The following DPH6 variants were observed in gnomAD, a reference collection of about 807,000 sequenced individuals.
DPH6 encodes diphthine--ammonia ligase.
A neutral mutation model predicts 38.2 loss-of-function variants in DPH6; 33 were observed. That is an observed-to-expected ratio of 0.86 (90% CI 0.65 to 1.15). The LOEUF (loss-of-function observed/expected upper bound fraction) is 1.15. Ranked by LOEUF, DPH6 falls within the 50% of genes most tolerant of loss-of-function variation. DPH6 has a pLI of 0.00. For synonymous variants in DPH6, 108 were observed against 103.0 expected, an observed-to-expected ratio of 1.05 and a Z score of -0.30; for missense variants, 325 against 320.0, an observed-to-expected ratio of 1.02 and a Z score of -0.12.
chr15:35,469,642 G>A (rs1041362088), intron 3 of DPH6, among the ~76,000 whole-genome samples: 1 of 152,142 alleles, frequency 6.6e-6, no homozygotes, highest in Non-Finnish European at 1.5e-5. Flanking sequence ...CACAGACATG[G>A]GGAAGATGTT....
chr15:35,274,311 C>T (rs1017745252), intron 3 of DPH6, among the ~76,000 whole-genome samples: 1 of 151,998 alleles, frequency 6.6e-6, no homozygotes, highest in African/African-American at 2.4e-5. Context: ...GGAAGAAAAC[C>T]TAGCCAATAC....
intron 3 of DPH6, among the ~76,000 whole-genome samples, chr15:35,296,995 C>A (rs1336165067): frequency 6.6e-6 from 1 of 152,114 alleles, no homozygotes; most frequent in African/African-American, 2.4e-5. Context: ...AAGTCCATAG[C>A]CTGATGAGCC....
At chr15:35,517,558 T>C (rs1321794408) in intron 3 of DPH6, among the ~76,000 whole-genome samples, 1 of 152,156 alleles carries the variant, frequency 6.6e-6, no homozygotes, top group East Asian at 1.9e-4. Flanking sequence ...ATTGAGAATT[T>C]GTACCTTTTC....
chr15:35,382,450 A>AACAAAACAC, intron 6 of DPH6, among the ~76,000 whole-genome samples: 1 of 150,352 alleles, frequency 6.7e-6, no homozygotes, highest in African/African-American at 2.4e-5. Context: ...CGAAAAACAA[A>AACAAAACAC]ACACACACAC....
the DPH6 span, among the ~76,000 whole-genome samples, chr15:35,185,228 G>A: frequency 2.0e-5 from 3 of 152,172 alleles, no homozygotes; most frequent in South Asian, 2.1e-4. Flanking sequence ...TCCCAACTGC[G>A]TATCAAGTGA....
At chr15:35,491,093 A>G (rs1480686777) in intron 3 of DPH6, among the ~76,000 whole-genome samples, 1 of 152,124 alleles carries the variant, frequency 6.6e-6, no homozygotes, top group Non-Finnish European at 1.5e-5. Flanking sequence ...TCACCTCCCA[A>G]TATCATTACA....
At chr15:35,191,195 T>C in the DPH6 span, among the ~76,000 whole-genome samples, 1 of 152,220 alleles carries the variant, frequency 6.6e-6, no homozygotes, top group Non-Finnish European at 1.5e-5. Context: ...TCATTGTGTG[T>C]CAAAGGCATT....
chr15:35,197,016 C>T, the DPH6 span, among the ~76,000 whole-genome samples: 1 of 152,138 alleles, frequency 6.6e-6, no homozygotes, highest in Non-Finnish European at 1.5e-5. Flanking sequence ...TTGCATTGGA[C>T]TTTCACTTCA....
At chr15:35,233,780 A>G (rs923816515) in intron 3 of DPH6, among the ~76,000 whole-genome samples, 3 of 152,020 alleles carry the variant, frequency 2.0e-5, no homozygotes, top group African/African-American at 4.8e-5. Flanking sequence ...TTTTTCCTCT[A>G]TTCTCTAATG....
At chr15:35,294,565 T>A (rs1396961978) in intron 3 of DPH6, among the ~76,000 whole-genome samples, 1 of 152,156 alleles carries the variant, frequency 6.6e-6, no homozygotes, top group African/African-American at 2.4e-5. Context: ...CCGTTTTTTT[T>A]GTCTTCAATG....
the DPH6 span, among the ~76,000 whole-genome samples, chr15:35,185,863 G>C: frequency 2.0e-5 from 3 of 151,060 alleles, no homozygotes; most frequent in African/African-American, 7.3e-5. Flanking sequence ...CTCCCAAGTA[G>C]CTGGGACTAC....
chr15:35,187,811 C>A, the DPH6 span, among the ~76,000 whole-genome samples: 18 of 152,174 alleles, frequency 1.2e-4, no homozygotes, highest in South Asian at 3.7e-3. Flanking sequence ...CATAGAGAGA[C>A]CCTGTTTCTA....
chr15:35,440,544 A>AC (rs1327859027), intron 5 of DPH6, among the ~76,000 whole-genome samples: 1 of 151,924 alleles, frequency 6.6e-6, no homozygotes, highest in Admixed American at 6.6e-5. Context: ...CCAAAACAGT[A>AC]CCCCCTCTGT....
intron 3 of DPH6, among the ~76,000 whole-genome samples, chr15:35,290,621 T>C (rs2051973953): frequency 6.6e-6 from 1 of 152,196 alleles, no homozygotes; most frequent in Non-Finnish European, 1.5e-5. Context: ...AACATGGACT[T>C]TGATTCAGCA....
At chr15:35,289,097 A>G (rs1249619483) in intron 3 of DPH6, among the ~76,000 whole-genome samples, 1 of 152,190 alleles carries the variant, frequency 6.6e-6, no homozygotes, top group Non-Finnish European at 1.5e-5. Context: ...CAAACTTATC[A>G]TTTCTATGAT....
intron 6 of DPH6, among the ~76,000 whole-genome samples, chr15:35,384,110 A>G (rs1199595634): frequency 1.3e-5 from 2 of 152,130 alleles, no homozygotes; most frequent in African/African-American, 2.4e-5. Flanking sequence ...TTCCTAACCC[A>G]TCTCAGGTCT....
At chr15:35,157,407 G>C in the DPH6 span, among the ~76,000 whole-genome samples, 1 of 152,048 alleles carries the variant, frequency 6.6e-6, no homozygotes, top group Non-Finnish European at 1.5e-5. Flanking sequence ...CAAAATTAAT[G>C]TGTATGTTTA....
At chr15:35,253,764 C>G (rs2051690084) in intron 3 of DPH6, among the ~76,000 whole-genome samples, 1 of 152,176 alleles carries the variant, frequency 6.6e-6, no homozygotes. Flanking sequence ...TCTGATCAAT[C>G]CATAGATCAT....
intron 6 of DPH6, among the ~76,000 whole-genome samples, chr15:35,408,402 G>A (rs904607913): frequency 6.6e-5 from 10 of 151,978 alleles, no homozygotes; most frequent in African/African-American, 2.2e-4. Context: ...TTAAGGTGAT[G>A]ACAAAGAGAA....
Sources: gnomAD v4.1 joint callset for allele counts (sites outside exome capture counted in the v4.1 genomes callset) on GRCh38, gnomAD v4.1.1 for gene constraint, MANE v1.5 for transcripts, NCBI Gene and HGNC (gene_info 2026-07-23, HGNC 2026-07-21) for gene names.